The following TCF7L2 variants were observed in gnomAD, a reference collection of about 807,000 sequenced individuals.
The protein encoded by TCF7L2 is transcription factor 7 like 2, also known as transcription factor 7-like 2.
TCF7L2 carries 23 observed loss-of-function variants against 77.9 expected under a neutral mutation model. The ratio of observed to expected loss-of-function variants is 0.30; its 90% CI spans 0.21 to 0.42. The LOEUF (loss-of-function observed/expected upper bound fraction) is 0.42, where lower values mean the gene tolerates loss of function less well. Among genes scored for constraint, TCF7L2 ranks in the 10% least tolerant of loss-of-function variants. TCF7L2 has a pLI of 1.00. For synonymous variants in TCF7L2, 413 were observed against 340.2 expected, an observed-to-expected ratio of 1.21 and a Z score of -2.36; for missense variants, 654 against 793.1, an observed-to-expected ratio of 0.82 and a Z score of 2.11.
At position 113,141,109 on chromosome 10, in the gene TCF7L2, A is replaced by T. The variant is rs149485053; in HGVS notation, c.553-75A>T. 534 of 1,579,752 alleles carry T rather than the reference A, an allele frequency of 3.4e-4. 7 individuals carry two copies. Among genetic ancestry groups the T allele is most frequent in the South Asian group, 3.1e-3 (266 of 85,938 alleles). On this transcript the variant is annotated intron_variant, in intron 5 of 13. Transcript: ENST00000627217. ...TGAGAGGCTGTGGCCAAGGGAACCCACGGGCCCGGTGCTCTGAAGCCCTGG... is the reference window on the plus strand; with the variant it reads ...TGAGAGGCTGTGGCCAAGGGAACCCTCGGGCCCGGTGCTCTGAAGCCCTGG...
intron 4 of TCF7L2, among the ~76,000 whole-genome samples, chr10:113,016,961 G>A (rs1053413141): frequency 2.6e-5 from 4 of 152,110 alleles, no homozygotes; most frequent in African/African-American, 4.8e-5. Flanking sequence ...CAGAAACCCA[G>A]AGGACTGACC....
At chr10:113,085,586 T>C (rs145500339) in intron 5 of TCF7L2, among the ~76,000 whole-genome samples, 98 of 152,310 alleles carry the variant, frequency 6.4e-4, no homozygotes, top group Admixed American at 2.0e-3. Flanking sequence ...AGTAAGCTCA[T>C]AAAGAAGCAA....
intron 8 of TCF7L2, among the ~76,000 whole-genome samples, chr10:113,147,398 G>A (rs1038597235): frequency 2.0e-5 from 3 of 152,136 alleles, no homozygotes; most frequent in Non-Finnish European, 2.9e-5. Flanking sequence ...AAAACAAACC[G>A]TGGCATATCT....
chr10:112,995,834 C>A (rs1431028273), intron 4 of TCF7L2, among the ~76,000 whole-genome samples: 1 of 152,142 alleles, frequency 6.6e-6, no homozygotes, highest in Non-Finnish European at 1.5e-5. Flanking sequence ...CCTTCCCCAT[C>A]CCTGATGAGG....
At chr10:113,163,781 T>G (rs2073581463) in intron 13 of TCF7L2, among the ~76,000 whole-genome samples, 1 of 151,990 alleles carries the variant, frequency 6.6e-6, no homozygotes, top group Non-Finnish European at 1.5e-5. Context: ...CCCATGAATC[T>G]CAGCCTCTGG....
chr10:113,093,542 T>A (rs1011078264), intron 5 of TCF7L2, among the ~76,000 whole-genome samples: 28 of 152,240 alleles, frequency 1.8e-4, no homozygotes, highest in Admixed American at 9.8e-4. Context: ...CATCTACATT[T>A]CAAATTCATT....
In TCF7L2 at chr10:113,107,604, G is replaced by A. The variant is rs141181168; in HGVS notation, c.553-33580G>A. Among the ~76,000 whole-genome samples, 37 of 151,798 alleles carry A rather than the reference G, an allele frequency of 2.4e-4. No individual in the cohort carries two copies. In the East Asian group the frequency reaches 6.6e-3, roughly 27 times the overall value. On this transcript the variant is annotated intron_variant, in intron 5 of 13. Transcript: ENST00000627217. The stretch of plus-strand genomic sequence containing the variant: ...TAAAAATACAAAAAATTAGCCGGGC[G>A]TGGTGGCGAGTACCTGTAGTCCCAG...
intron 4 of TCF7L2, chr10:112,987,439 A>G (rs147751136): frequency 6.9e-6 from 1 of 145,886 alleles, no homozygotes; most frequent in African/African-American, 2.5e-5. Context: ...TTTTTCCCCC[A>G]AATGCATTCA....
chr10:113,129,363 G>C (rs1243554643), intron 5 of TCF7L2: 2 of 989,832 alleles, frequency 2.0e-6, no homozygotes, highest in African/African-American at 3.5e-5. Context: ...CTCTGTCCCT[G>C]CTGCCCAAGG....
intron 5 of TCF7L2, among the ~76,000 whole-genome samples, chr10:113,055,661 C>G (rs942984172): frequency 6.6e-6 from 1 of 152,214 alleles, no homozygotes; most frequent in Admixed American, 6.5e-5. Context: ...ATGTTACAGC[C>G]TCCACCTCCT....
At chr10:113,119,799 T>C (rs1414964184) in intron 5 of TCF7L2, among the ~76,000 whole-genome samples, 1 of 152,204 alleles carries the variant, frequency 6.6e-6, no homozygotes, top group South Asian at 2.1e-4. Context: ...TCAGTGCATC[T>C]GATTATCTTC....
intron 5 of TCF7L2, among the ~76,000 whole-genome samples, chr10:113,096,265 C>T (rs1447373365): frequency 6.6e-6 from 1 of 152,106 alleles, no homozygotes; most frequent in Non-Finnish European, 1.5e-5. Context: ...ATGACGTCAG[C>T]AAGGTAGATG....
At chr10:113,055,150 A>G (rs1459923465) in intron 5 of TCF7L2, among the ~76,000 whole-genome samples, 1 of 152,226 alleles carries the variant, frequency 6.6e-6, no homozygotes, top group East Asian at 1.9e-4. Flanking sequence ...TTGGTAGGGC[A>G]TTGGTTTGCT....
At chr10:113,081,713 C>T (rs754251479) in intron 5 of TCF7L2, among the ~76,000 whole-genome samples, 3 of 152,142 alleles carry the variant, frequency 2.0e-5, no homozygotes, top group East Asian at 1.9e-4. Context: ...ATCCCTGTTG[C>T]GGAAAACAAA....
At chr10:112,965,791 G>A (rs934747115) in intron 4 of TCF7L2, among the ~76,000 whole-genome samples, 2 of 152,106 alleles carry the variant, frequency 1.3e-5, no homozygotes, top group African/African-American at 2.4e-5. Flanking sequence ...GAATTATTCC[G>A]CCAGTGAAAA....
At chr10:113,024,166 G>A (rs2133928958) in intron 4 of TCF7L2, among the ~76,000 whole-genome samples, 1 of 151,984 alleles carries the variant, frequency 6.6e-6, no homozygotes, top group East Asian at 2.0e-4. Context: ...GGCATGGTGG[G>A]ATGCATCTGT....
intron 4 of TCF7L2, among the ~76,000 whole-genome samples, chr10:112,982,600 G>A (rs2040680367): frequency 6.6e-6 from 1 of 152,108 alleles, no homozygotes; most frequent in South Asian, 2.1e-4. Flanking sequence ...TCCTGAATAA[G>A]AGTAGTCCAG....
At chr10:113,032,215 T>C (rs1323980534) in intron 4 of TCF7L2, among the ~76,000 whole-genome samples, 1 of 152,188 alleles carries the variant, frequency 6.6e-6, no homozygotes, top group Non-Finnish European at 1.5e-5. Context: ...GAGGGTCTGG[T>C]GAAATTCCAT....
intron 12 of TCF7L2, among the ~76,000 whole-genome samples, chr10:113,159,305 T>G (rs1332307771): frequency 6.6e-6 from 1 of 152,154 alleles, no homozygotes; most frequent in African/African-American, 2.4e-5. Context: ...TCTTTTCCTC[T>G]CTTAATAATT....
Sources: allele counts gnomAD v4.1 joint callset (sites outside exome capture counted in the v4.1 genomes callset), GRCh38; gene constraint gnomAD v4.1.1; transcripts MANE v1.5; gene names NCBI Gene and HGNC (gene_info 2026-07-23, HGNC 2026-07-21).